Variants in ERBB4 observed in about 807,000 individuals in gnomAD.
ERBB4 encodes erb-b2 receptor tyrosine kinase 4, also known as receptor tyrosine-protein kinase erbB-4.
ERBB4 carries 42 observed loss-of-function variants against 158.0 expected under a neutral mutation model. That is an observed-to-expected ratio of 0.27 (90% CI 0.21 to 0.34). ERBB4 has a LOEUF of 0.34. Ranked by LOEUF, ERBB4 falls within the 10% of genes least tolerant of loss-of-function variation. The pLI is 1.00. For missense variants in ERBB4, 1,333 were observed against 1,624.1 expected (o/e 0.82, Z 3.08); for synonymous variants, 583 against 558.7 (o/e 1.04, Z -0.61).
chr2:211,512,552 TA>T (rs929553239), intron 20 of ERBB4, among the ~76,000 whole-genome samples: 27 of 149,150 alleles, frequency 1.8e-4, no homozygotes, highest in African/African-American at 5.4e-4. Flanking sequence ...ACAATGAAAT[TA>T]AAAAAAAAAC....
chr2:212,243,581 A>G (rs967394435), intron 1 of ERBB4, among the ~76,000 whole-genome samples: 2 of 152,126 alleles, frequency 1.3e-5, no homozygotes, highest in African/African-American at 4.8e-5. Flanking sequence ...TTTTTTTCAG[A>G]GTAAATATAC....
At chr2:211,562,769 CTTTTTTT>C (rs367801279) in intron 19 of ERBB4, among the ~76,000 whole-genome samples, 1 of 125,732 alleles carries the variant, frequency 8.0e-6, no homozygotes. Context: ...ACTACTCCAA[CTTTTTTT>C]TTTTTTTTTT....
intron 2 of ERBB4, among the ~76,000 whole-genome samples, chr2:212,044,113 TTTAA>T (rs1407119845): frequency 1.3e-5 from 2 of 152,060 alleles, no homozygotes; most frequent in Non-Finnish European, 2.9e-5. Flanking sequence ...GGGTCATAAA[TTTAA>T]TTAGTGTCCA....
chr2:212,458,534 G>C lies in ERBB4; in HGVS notation c.82+79915C>G, dbSNP rs146438924. On this transcript the variant is annotated intron_variant, in intron 1 of 27. Transcript: ENST00000342788. ...GAAAGGCAGAATGCCAAGAGGCTGT[G>C]AAAGACCTGTAGGTTGTGCCTAGAA... 2.4e-3 allele frequency among the ~76,000 whole-genome samples: 360 copies of C among 152,178 alleles called. 1 individual carries two copies. The highest frequency in any genetic ancestry group is 7.7e-3 in the African/African-American group (321 of 41,538).
intron 3 of ERBB4, 63 bp downstream of exon 3, chr2:211,947,367 A>G (rs963463202): frequency 1.6e-6 from 2 of 1,278,790 alleles, no homozygotes; most frequent in African/African-American, 2.9e-5. Context: ...CAGTAACCCT[A>G]CATATACAAT....
At chr2:212,368,748 T>C (rs1420818680) in intron 1 of ERBB4, among the ~76,000 whole-genome samples, 2 of 152,132 alleles carry the variant, frequency 1.3e-5, no homozygotes, top group Non-Finnish European at 2.9e-5. Context: ...TTTTTTCCCA[T>C]GCCCAGAGAA....
At chr2:211,623,038 TATATATAA>T (rs1403665695) in intron 18 of ERBB4, among the ~76,000 whole-genome samples, 14 of 68,234 alleles carry the variant, frequency 2.1e-4, no homozygotes, top group African/African-American at 6.3e-4. Flanking sequence ...TATATATATA[TATATATAA>T]AATGCCAAAG....
At chr2:212,078,385 G>A (rs537084651) in intron 2 of ERBB4, among the ~76,000 whole-genome samples, 31 of 151,758 alleles carry the variant, frequency 2.0e-4, no homozygotes, top group Non-Finnish European at 2.1e-4. Context: ...TTCAAAATAC[G>A]GACAGCTATA....
rs368757286 is a variant in ERBB4 at position 212,275,474 on chromosome 2, G to A, written c.83-150571C>T. On this transcript the variant is annotated intron_variant, in intron 1 of 27. Coordinates refer to ENST00000342788, the MANE Select transcript of ERBB4 (RefSeq NM_005235.3). ...TTTAATGATTGCCATTCTAACTGGT[G>A]TGAGATGGTATCTCATTGTGGTTTT... Among the ~76,000 whole-genome samples the A allele has an allele frequency of 7.2e-5, 11 of 151,978 alleles. 1 individual carries two copies. The East Asian group carries it at 1.9e-3, about 27-fold the overall frequency.
chr2:211,733,083 A>ATTGT (rs1368089941), intron 5 of ERBB4, among the ~76,000 whole-genome samples: 2 of 152,186 alleles, frequency 1.3e-5, no homozygotes, highest in Non-Finnish European at 2.9e-5. Context: ...TGACATGATA[A>ATTGT]TATTGTTAGT....
intron 20 of ERBB4, among the ~76,000 whole-genome samples, chr2:211,507,058 G>T (rs565006867): frequency 4.0e-5 from 6 of 151,812 alleles, no homozygotes; most frequent in African/African-American, 1.2e-4. Flanking sequence ...TGTAAAATAC[G>T]ATCAGAGATT....
intron 25 of ERBB4, among the ~76,000 whole-genome samples, chr2:211,414,927 T>G (rs945392069): frequency 2.6e-5 from 4 of 152,110 alleles, no homozygotes; most frequent in African/African-American, 9.7e-5. Flanking sequence ...TCCTAGGGCT[T>G]TGTGAAATAA....
intron 2 of ERBB4, among the ~76,000 whole-genome samples, chr2:212,030,490 G>A (rs1334733423): frequency 6.6e-6 from 1 of 152,068 alleles, no homozygotes; most frequent in African/African-American, 2.4e-5. Flanking sequence ...CTTAGTTTGG[G>A]TTCTTTCAGA....
At chr2:211,699,588 C>A (rs753649066) in intron 12 of ERBB4, among the ~76,000 whole-genome samples, 1 of 151,834 alleles carries the variant, frequency 6.6e-6, no homozygotes, top group African/African-American at 2.4e-5. Flanking sequence ...TATTCTAAGA[C>A]GTTAAAAATG....
intron 1 of ERBB4, among the ~76,000 whole-genome samples, chr2:212,188,830 T>C (rs2082105735): frequency 6.6e-6 from 1 of 152,134 alleles, no homozygotes; most frequent in Admixed American, 6.6e-5. Flanking sequence ...ACTTATAATG[T>C]ATTCATTATA....
At chr2:212,000,894 G>GA (rs935380623) in intron 2 of ERBB4, among the ~76,000 whole-genome samples, 1 of 151,338 alleles carries the variant, frequency 6.6e-6, no homozygotes, top group South Asian at 2.1e-4. Flanking sequence ...TATGTGTAAA[G>GA]AAAAAAAATA....
intron 2 of ERBB4, among the ~76,000 whole-genome samples, chr2:212,098,664 G>T (rs967743422): frequency 6.6e-6 from 1 of 151,860 alleles, no homozygotes; most frequent in African/African-American, 2.4e-5. Flanking sequence ...CCCAGTTAGG[G>T]ATATTATATA....
chr2:211,517,721 A>G (rs755697883), intron 20 of ERBB4, among the ~76,000 whole-genome samples: 2 of 152,138 alleles, frequency 1.3e-5, no homozygotes, highest in Non-Finnish European at 2.9e-5. Context: ...AATTACATAA[A>G]AATCCAAGAC....
chr2:211,417,518 A>G (rs996937559), intron 25 of ERBB4, among the ~76,000 whole-genome samples: 1 of 151,992 alleles, frequency 6.6e-6, no homozygotes, highest in Non-Finnish European at 1.5e-5. Flanking sequence ...ATATCTAACA[A>G]TAGTAACAGC....
Sources: gnomAD v4.1 joint callset for allele counts (sites outside exome capture counted in the v4.1 genomes callset) on GRCh38, gnomAD v4.1.1 for gene constraint, MANE v1.5 for transcripts, NCBI Gene and HGNC (gene_info 2026-07-23, HGNC 2026-07-21) for gene names.